Variants in TFAP2D observed in about 807,000 individuals in gnomAD.
TFAP2D encodes the protein transcription factor AP-2-delta.
In TFAP2D, 9 loss-of-function variants were observed where a neutral mutation model predicts 43.6. The observed-to-expected ratio is 0.21, with a 90% confidence interval of 0.12 to 0.36. The LOEUF is 0.36. Ranked by LOEUF, TFAP2D falls within the 10% of genes least tolerant of loss-of-function variation. The pLI is 1.00. For synonymous variants in TFAP2D, 256 were observed against 224.9 expected (o/e 1.14, Z -1.24); for missense variants, 513 against 561.4 (o/e 0.91, Z 0.87).
intron 2 of TFAP2D, among the ~76,000 whole-genome samples, chr6:50,716,443 G>GAAGGAAGGAAGGAGAA (rs1187661475): frequency 7.0e-6 from 1 of 143,704 alleles, no homozygotes; most frequent in Non-Finnish European, 1.5e-5. Flanking sequence ...AATAAAGAAG[G>GAAGGAAGGAAGGAGAA]AAGGAAGGAA....
chr6:50,739,098 T>A (rs1407974422), intron 5 of TFAP2D, among the ~76,000 whole-genome samples: 1 of 152,176 alleles, frequency 6.6e-6, no homozygotes, highest in Non-Finnish European at 1.5e-5. Flanking sequence ...ATACTTTAAG[T>A]TCTAGGGTAC....
At chr6:50,757,801 T>C (rs1769309893) in intron 7 of TFAP2D, among the ~76,000 whole-genome samples, 3 of 106,944 alleles carry the variant, frequency 2.8e-5, no homozygotes, top group South Asian at 2.8e-4. Flanking sequence ...ATAGAATATA[T>C]ATAATTATAT....
chr6:50,723,874 C>A (rs1005091523), intron 3 of TFAP2D, among the ~76,000 whole-genome samples: 2 of 152,170 alleles, frequency 1.3e-5, no homozygotes, highest in Non-Finnish European at 2.9e-5. Context: ...TACACACCTA[C>A]CGCCACATTA....
At chr6:50,748,952 T>G (rs2113884895) in intron 6 of TFAP2D, among the ~76,000 whole-genome samples, 1 of 151,958 alleles carries the variant, frequency 6.6e-6, no homozygotes, top group Non-Finnish European at 1.5e-5. Flanking sequence ...ACATAATTCA[T>G]AATATGACAT....
At chr6:50,766,649 G>GCTTT (rs1561942299) in intron 7 of TFAP2D, among the ~76,000 whole-genome samples, 8 of 80,812 alleles carry the variant, frequency 9.9e-5, no homozygotes, top group East Asian at 4.5e-4. Context: ...CCATGAGATT[G>GCTTT]CTTTCTTTTT....
chr6:50,721,368 G>A (rs556159803), intron 3 of TFAP2D, among the ~76,000 whole-genome samples: 1 of 152,276 alleles, frequency 6.6e-6, no homozygotes, highest in Non-Finnish European at 1.5e-5. Flanking sequence ...CTTAGAGAAA[G>A]GCCAGTTAAC....
At chr6:50,746,618 ATTT>A (rs1769128362) in intron 6 of TFAP2D, among the ~76,000 whole-genome samples, 1 of 152,172 alleles carries the variant, frequency 6.6e-6, no homozygotes, top group Non-Finnish European at 1.5e-5. Context: ...ACAAGTAATT[ATTT>A]AATGCCTTTA....
chr6:50,727,048 G>T (rs540187214), intron 3 of TFAP2D, among the ~76,000 whole-genome samples: 18 of 152,322 alleles, frequency 1.2e-4, no homozygotes, highest in Admixed American at 3.3e-4. Flanking sequence ...CACTGTCATG[G>T]AGGTTTTGGC....
chr6:50,713,885 C>T lies in TFAP2D; in HGVS notation c.-171C>T. 1.1e-6 allele frequency: 1 copy of T among 951,580 alleles called. No individual in the cohort carries two copies. Among genetic ancestry groups the T allele is most frequent in the South Asian group, 1.6e-5 (1 of 62,764 alleles). 58.9% of individuals were successfully genotyped at this position (951,580 alleles called of 1,614,324 possible). ...GTTCCTACAGGTTTTTAAGTGGGTACGAGGCAAGGAGCTATCTGATCCGGG... is the reference window on the plus strand; with the variant it reads ...GTTCCTACAGGTTTTTAAGTGGGTATGAGGCAAGGAGCTATCTGATCCGGG... On this transcript the variant is annotated 5_prime_UTR_variant, in exon 1 of 8. It adds an upstream start codon to the 5' untranslated region. Transcript: ENST00000008391.
At chr6:50,720,661 C>T (rs1476251020) in intron 3 of TFAP2D, among the ~76,000 whole-genome samples, 1 of 152,122 alleles carries the variant, frequency 6.6e-6, no homozygotes, top group Non-Finnish European at 1.5e-5. Flanking sequence ...ATATTGAATG[C>T]ACTGTGTTGG....
chr6:50,735,360 AG>A (rs1404556362), intron 5 of TFAP2D, among the ~76,000 whole-genome samples: 3 of 152,076 alleles, frequency 2.0e-5, no homozygotes, highest in African/African-American at 7.2e-5. Context: ...GGATAGAAAA[AG>A]GGTTACCAAT....
At chr6:50,721,215 C>T (rs554896894) in intron 3 of TFAP2D, among the ~76,000 whole-genome samples, 78 of 152,294 alleles carry the variant, frequency 5.1e-4, no homozygotes, top group Admixed American at 1.5e-3. Context: ...CTACTTGAAA[C>T]CAAATATTGA....
At chr6:50,761,314 T>C (rs1312553252) in intron 7 of TFAP2D, among the ~76,000 whole-genome samples, 1 of 151,920 alleles carries the variant, frequency 6.6e-6, no homozygotes, top group African/African-American at 2.4e-5. Context: ...TAGCTTTTAG[T>C]CAAATTGCTT....
chr6:50,748,940 T>C (rs2113884886), intron 6 of TFAP2D, among the ~76,000 whole-genome samples: 1 of 151,964 alleles, frequency 6.6e-6, no homozygotes, highest in Non-Finnish European at 1.5e-5. Context: ...TCATCTTGTG[T>C]TACATAATTC....
At chr6:50,758,530 T>A (rs1401605835) in intron 7 of TFAP2D, among the ~76,000 whole-genome samples, 1 of 151,950 alleles carries the variant, frequency 6.6e-6, no homozygotes, top group African/African-American at 2.4e-5. Context: ...TCATTCCCAT[T>A]TCCTTCAGGG....
intron 5 of TFAP2D, among the ~76,000 whole-genome samples, chr6:50,739,946 A>G (rs1376259069): frequency 6.6e-6 from 1 of 152,216 alleles, no homozygotes; most frequent in South Asian, 2.1e-4. Flanking sequence ...TCTCCAGGCC[A>G]TAGATCGTAT....
intron 7 of TFAP2D, among the ~76,000 whole-genome samples, chr6:50,766,635 G>A (rs1328727571): frequency 7.7e-6 from 1 of 129,430 alleles, no homozygotes; most frequent in African/African-American, 2.8e-5. Flanking sequence ...TATTCCTTTT[G>A]ATACCATGAG....
intron 2 of TFAP2D, chr6:50,718,073 T>C (rs1768655587): frequency 6.6e-6 from 1 of 152,162 alleles, no homozygotes; most frequent in Admixed American, 6.5e-5. Context: ...CAAAGGAAAC[T>C]GTCACACCTT....
chr6:50,729,387 C>A, intron 5 of TFAP2D, 75 bp downstream of exon 5: 3 of 1,300,322 alleles, frequency 2.3e-6, no homozygotes, highest in Non-Finnish European at 3.3e-6. Context: ...TTAAATTATG[C>A]TGTTTTATTT....
Sources: gnomAD v4.1 joint callset for allele counts (sites outside exome capture counted in the v4.1 genomes callset) on GRCh38, gnomAD v4.1.1 for gene constraint, MANE v1.5 for transcripts, NCBI Gene and HGNC (gene_info 2026-07-23, HGNC 2026-07-21) for gene names.